Variants in USP39 observed in about 807,000 individuals in gnomAD.
The protein encoded by USP39 is ubiquitin carboxyl-terminal hydrolase 39.
USP39 carries 38 observed loss-of-function variants against 66.4 expected under a neutral mutation model. That is an observed-to-expected ratio of 0.57 (90% CI 0.44 to 0.75). The LOEUF (loss-of-function observed/expected upper bound fraction) is 0.75. USP39 is among the 30% of genes least tolerant of loss of function. The probability of loss-of-function intolerance (pLI) is 0.00; values close to 1 mark genes in which losing one functional copy is unlikely to be tolerated. For missense variants in USP39, 608 were observed against 714.4 expected (o/e 0.85, Z 1.70); for synonymous variants, 303 against 274.6 (o/e 1.10, Z -1.02).
At chr2:85,611,442 G>A, upstream of USP39, 1 of 1,529,570 alleles carries the variant, frequency 6.5e-7, no homozygotes, top group Non-Finnish European at 8.8e-7. Flanking sequence ...ACTTCTTGCT[G>A]GCTCCCCGAT....
chr2:85,609,336 T>G, upstream of USP39: 2 of 1,501,122 alleles, frequency 1.3e-6, no homozygotes, highest in Non-Finnish European at 1.8e-6. Context: ...AGCAGACGCT[T>G]CCCATTGGGG....
chr2:85,608,979 T>C (rs377491416), upstream of USP39: 2 of 1,614,140 alleles, frequency 1.2e-6, no homozygotes, highest in African/African-American at 1.3e-5. Flanking sequence ...AATCTCCTCC[T>C]GGATACGCAA....
upstream of USP39, among the ~76,000 whole-genome samples, chr2:85,612,519 G>T (rs1347727236): frequency 1.6e-4 from 25 of 152,292 alleles, no homozygotes; most frequent in Admixed American, 1.4e-3. Flanking sequence ...CAACAGCGGC[G>T]CCCAGGCCGC....
At chr2:85,621,780 C>T (rs536992007) in intron 3 of USP39, among the ~76,000 whole-genome samples, 1 of 152,238 alleles carries the variant, frequency 6.6e-6, no homozygotes, top group African/African-American at 2.4e-5. Flanking sequence ...AAGAGCTAGT[C>T]ATATGAAAGA....
upstream of USP39, chr2:85,607,662 G>A (rs1312055851): frequency 1.3e-5 from 2 of 152,188 alleles, no homozygotes; most frequent in African/African-American, 4.8e-5. Context: ...AGTGCCATCA[G>A]GTGTCTTAAC....
At chr2:85,611,848 TGGCGGC>T, upstream of USP39, 1 of 1,599,750 alleles carries the variant, frequency 6.3e-7, no homozygotes, top group East Asian at 2.2e-5. Context: ...CCAGGAGTGG[TGGCGGC>T]GGCGGCGCAG....
At chr2:85,645,379 C>T (rs1676564370) in intron 11 of USP39, 5 of 235,590 alleles carry the variant, frequency 2.1e-5, no homozygotes, top group Non-Finnish European at 3.3e-5. Context: ...TGGGTTCAAG[C>T]AGTTCTCTGC....
In USP39 at chr2:85,605,619, C is replaced by A. The variant is rs181476866; in HGVS notation, n.226+2538C>A. Among the ~76,000 whole-genome samples the A allele has an allele frequency of 2.2e-4, 34 of 152,292 alleles. No homozygotes were observed. In the East Asian group the frequency reaches 4.6e-3, roughly 21 times the overall value. ...TTGTCAACATTCCATGGTGACTCTC[C>A]CCAAAAATCTAGTGGTAGGAAAATA... is the stretch of plus-strand genomic sequence containing the variant. On this transcript the variant is annotated intron_variant and non_coding_transcript_variant, in intron 1 of 12. Coordinates refer to the USP39 transcript ENST00000459775.
At chr2:85,639,948 A>G (rs529073918) in intron 9 of USP39, 2 of 152,454 alleles carry the variant, frequency 1.3e-5, no homozygotes, top group Admixed American at 6.5e-5. Flanking sequence ...TGGCGTGATC[A>G]TGGCTCACTG....
In USP39 at chr2:85,649,016, G is replaced by C. The variant is rs112653307; in HGVS notation, c.*208G>C. On this transcript the variant is annotated 3_prime_UTR_variant, in exon 13 of 13. Coordinates refer to ENST00000323701, the MANE Select transcript of USP39 (RefSeq NM_006590.4). ...GCTGTTCTTTGATCATTTTTTTCTA[G>C]ATTGATGCTCCTTTCTCCCATGCAT... is the stretch of plus-strand genomic sequence containing the variant. 5.2e-3 allele frequency: 3,245 copies of C among 624,082 alleles called. 16 individuals carry two copies. The highest frequency in any genetic ancestry group is 8.2e-3 in the Non-Finnish European group (2,847 of 348,574). The allele number at this position is 624,082 out of a possible 1,614,324, so 38.7% of individuals were successfully genotyped here.
chr2:85,630,921 G>A lies in USP39; in HGVS notation c.924G>A (p.Lys308=). ...TTCAGGCAGTTGTACTTTGCAGTAA[G>A]AAGACTTTTCAGATCACCAAACAAG... The part of the protein sequence containing the change: ...EMLQAVVLCS[K]KTFQITKQGD... Residue 308 remains lysine (K), a synonymous_variant, in exon 6 of 13, where the codon AAG becomes AAA. Coordinates refer to ENST00000323701, the MANE Select transcript of USP39 (RefSeq NM_006590.4). 6.2e-7 allele frequency: 1 copy of A among 1,614,152 alleles called. No homozygotes were observed. The highest frequency in any genetic ancestry group is 8.5e-7 in the Non-Finnish European group (1 of 1,180,042).
chr2:85,621,214 G>A (rs1674431567), intron 2 of USP39: 2 of 262,694 alleles, frequency 7.6e-6, no homozygotes, highest in South Asian at 2.2e-4. Flanking sequence ...TAGAGAAAGT[G>A]ACTGCAATGG....
chr2:85,635,242 A>T (rs924441157), intron 6 of USP39, among the ~76,000 whole-genome samples: 1 of 152,248 alleles, frequency 6.6e-6, no homozygotes, highest in African/African-American at 2.4e-5. Context: ...ACTAAATAGA[A>T]GCAAATCTTC....
At chr2:85,604,108 G>A (rs2104122399) in intron 1 of USP39, among the ~76,000 whole-genome samples, 1 of 152,300 alleles carries the variant, frequency 6.6e-6, no homozygotes, top group South Asian at 2.1e-4. Context: ...ACAGGGTCCT[G>A]TGCTTTAGAG....
At chr2:85,612,193 C>T, upstream of USP39, 4 of 1,042,916 alleles carry the variant, frequency 3.8e-6, no homozygotes, top group Non-Finnish European at 4.1e-6. Flanking sequence ...ACTTCCACCC[C>T]CCGGACGGAG....
chr2:85,621,335 T>C (rs1573399675), intron 2 of USP39, 150 bp from the exon 3 acceptor site: 1 of 623,156 alleles, frequency 1.6e-6, no homozygotes, highest in African/African-American at 1.8e-5. Context: ...AGGTGAGGAA[T>C]AATCAGTGTC....
chr2:85,634,863 G>A (rs1388690917), intron 6 of USP39, among the ~76,000 whole-genome samples: 2 of 152,142 alleles, frequency 1.3e-5, no homozygotes, highest in African/African-American at 2.4e-5. Context: ...GGATAGTGGG[G>A]CCTGTCAGCT....
intron 11 of USP39, chr2:85,645,961 T>C (rs1412285078): frequency 6.6e-6 from 1 of 152,244 alleles, no homozygotes. Context: ...GACCCTGATA[T>C]GCAGCCAAGG....
In USP39 at chr2:85,625,620, A is replaced by G. The variant is rs1674793830; in HGVS notation, c.652A>G (p.Thr218Ala). 1.9e-6 allele frequency: 3 copies of G among 1,613,986 alleles called. No homozygotes were observed. The highest frequency in any genetic ancestry group is 1.7e-5 in the Admixed American group (1 of 60,000). ...CAAATTGTCCCGGGCATATGATGGT[A>G]CCACTTACCTGCCGGGTATTGTGGG... ...QAKLSRAYDG[T>A]TYLPGIVGLN... Residue 218 changes from threonine to alanine, a missense_variant, in exon 5 of 13, where the codon ACC becomes GCC. Around this residue, in one of 6 missense-constraint regions of USP39, gnomAD observed 115 missense variants for 198.6 expected, o/e 0.58. Coordinates refer to ENST00000323701, the MANE Select transcript of USP39 (RefSeq NM_006590.4).
Sources: allele counts gnomAD v4.1 joint callset (sites outside exome capture counted in the v4.1 genomes callset), GRCh38; gene constraint gnomAD v4.1.1; regional missense constraint gnomAD v4.1.1; transcripts MANE v1.5; gene names NCBI Gene and HGNC (gene_info 2026-07-23, HGNC 2026-07-21).